The following IL1RL1 variants were observed in gnomAD, a reference collection of about 807,000 sequenced individuals.
IL1RL1 encodes the protein interleukin 1 receptor like 1.
A neutral mutation model predicts 50.9 loss-of-function variants in IL1RL1; 32 were observed. The ratio of observed to expected loss-of-function variants is 0.63; its 90% confidence interval spans 0.47 to 0.84. The LOEUF is 0.84. IL1RL1 is among the 40% of genes least tolerant of loss of function. The pLI, the probability that IL1RL1 is intolerant of heterozygous loss-of-function variation, is 0.00. For synonymous variants in IL1RL1, 275 were observed against 236.0 expected (o/e 1.17, Z -1.51); for missense variants, 773 against 662.9 (o/e 1.17, Z -1.82).
chr2:102,340,484 A>G (rs868270935), intron 4 of IL1RL1, among the ~76,000 whole-genome samples, 182 bp from the exon 5 acceptor site: 3 of 152,150 alleles, frequency 2.0e-5, no homozygotes, highest in Admixed American at 6.5e-5. Flanking sequence ...GTGGTGGCAC[A>G]CACCTGTAAT....
At chr2:102,322,667 A>G (rs1676868556) in intron 1 of IL1RL1, among the ~76,000 whole-genome samples, 1 of 152,234 alleles carries the variant, frequency 6.6e-6, no homozygotes, top group African/African-American at 2.4e-5. Context: ...AACAACTAAT[A>G]TTCAATTAAA....
chr2:102,329,391 A>C (rs1190653303), intron 1 of IL1RL1, among the ~76,000 whole-genome samples: 2 of 152,226 alleles, frequency 1.3e-5, no homozygotes, highest in African/African-American at 4.8e-5. Context: ...AAACCCTAGA[A>C]GAAAACCTAG....
Position 102,344,621 on chromosome 2 carries a change from G to T in IL1RL1, c.970+1206G>T, listed in dbSNP as rs58758331. On this transcript the variant is annotated intron_variant, in intron 8 of 10. Transcript: ENST00000233954. ...CACGACTGCAAGCTCCATGAGGGCA[G>T]GGACATCATCTCTTCCATCTTTGGG... 13 of 313,240 alleles carry T rather than the reference G, an allele frequency of 4.2e-5. 1 individual carries two copies. In the South Asian group the frequency reaches 1.5e-3, roughly 36 times the overall value. 19.4% of individuals were successfully genotyped at this position (313,240 alleles called of 1,614,324 possible).
chr2:102,348,490 T>C (rs1677841573), intron 9 of IL1RL1, among the ~76,000 whole-genome samples: 1 of 152,200 alleles, frequency 6.6e-6, no homozygotes, highest in South Asian at 2.1e-4. Context: ...GGAATGCATG[T>C]GTGTTCTACC....
intron 8 of IL1RL1, among the ~76,000 whole-genome samples, chr2:102,346,528 A>G (rs1382171690): frequency 1.3e-5 from 2 of 152,154 alleles, no homozygotes; most frequent in Admixed American, 6.5e-5. Flanking sequence ...TCTTTCCTCT[A>G]CTTGGAAGCG....
chr2:102,320,878 A>G (rs1330067367), intron 1 of IL1RL1, among the ~76,000 whole-genome samples: 2 of 152,132 alleles, frequency 1.3e-5, no homozygotes, highest in Non-Finnish European at 2.9e-5. Flanking sequence ...AGTGTTTAAT[A>G]CCTACGTCAA....
Position 102,311,874 on chromosome 2 carries a change from T to A in IL1RL1, c.-150+251T>A, listed in dbSNP as rs1279108895. On this transcript the variant is annotated intron_variant, in intron 1 of 10. Coordinates refer to ENST00000233954, the MANE Select transcript of IL1RL1 (RefSeq NM_016232.5). ...TATAATATAATTATATAATATATAT[T>A]ATATAATATAATATATAATATATCA... 6.8e-4 allele frequency among the ~76,000 whole-genome samples: 39 copies of A among 57,678 alleles called. 1 individual carries two copies. The East Asian group carries it at 0.013, about 19-fold the overall frequency. The allele number at this position is 57,678 out of a possible 152,430, so 37.8% of individuals were successfully genotyped here. A position where few individuals can be genotyped will look rare whatever the true frequency, so the allele number is the denominator to read the frequency against.
intron 5 of IL1RL1, 47 bp from the exon 6 acceptor site, chr2:102,342,176 T>C (rs745359391): frequency 8.6e-6 from 11 of 1,273,676 alleles, no homozygotes; most frequent in Non-Finnish European, 1.1e-5. Flanking sequence ...TTATATTGAC[T>C]AGCATTCAAT....
chr2:102,352,291 C>T (rs67088699), downstream of IL1RL1, among the ~76,000 whole-genome samples: 65,028 of 145,564 alleles, frequency 0.45, 16,733 homozygotes, highest in African/African-American at 0.7. Flanking sequence ...TAGATTTTCA[C>T]GTCACTTGAA....
intron 1 of IL1RL1, among the ~76,000 whole-genome samples, chr2:102,324,395 A>G (rs1355362057): frequency 1.3e-5 from 2 of 152,164 alleles, no homozygotes; most frequent in Non-Finnish European, 1.5e-5. Context: ...CCAAATAGGA[A>G]CAGCTACAGT....
chr2:102,346,891 C>A (rs374860395), intron 8 of IL1RL1, among the ~76,000 whole-genome samples: 1 of 152,080 alleles, frequency 6.6e-6, no homozygotes, highest in Admixed American at 6.6e-5. Context: ...GGAAAAGAAC[C>A]GTATCAGCAA....
At chr2:102,318,373 C>G (rs571982584) in intron 1 of IL1RL1, among the ~76,000 whole-genome samples, 10 of 148,118 alleles carry the variant, frequency 6.8e-5, no homozygotes, top group Non-Finnish European at 1.2e-4. Context: ...AAGGATACCT[C>G]CAAGGATTTT....
Position 102,338,907 on chromosome 2 carries a change from C to T in IL1RL1, c.132C>T (p.Tyr44=). 3.1e-6 allele frequency: 5 copies of T among 1,613,704 alleles called. No individual in the cohort carries two copies. The highest frequency in any genetic ancestry group is 3.3e-4 in the Middle Eastern group (2 of 6,056). The part of the protein sequence containing the change: ...VRCPRQGKPS[Y]TVDWYYSQTN... ...GTCCTAGACAAGGAAAACCTAGTTA[C>T]ACCGTGGATTGGTATTACTCACAAA... is the stretch of plus-strand genomic sequence containing the variant. Residue 44 remains tyrosine (Y), a synonymous_variant, in exon 3 of 11, where the codon TAC becomes TAT. Coordinates refer to ENST00000233954, the MANE Select transcript of IL1RL1 (RefSeq NM_016232.5).
At chr2:102,321,792 C>T (rs1024976714) in intron 1 of IL1RL1, among the ~76,000 whole-genome samples, 1 of 152,128 alleles carries the variant, frequency 6.6e-6, no homozygotes, top group Non-Finnish European at 1.5e-5. Context: ...GAGATATCAG[C>T]AATACATAGC....
At chr2:102,326,631 A>C (rs1677007837) in intron 1 of IL1RL1, among the ~76,000 whole-genome samples, 1 of 152,266 alleles carries the variant, frequency 6.6e-6, no homozygotes, top group Middle Eastern at 3.4e-3. Context: ...GGACACACAT[A>C]GACTCAAAAT....
At chr2:102,344,676 G>A (rs1200815207) in intron 8 of IL1RL1, 1 of 740,880 alleles carries the variant, frequency 1.3e-6, no homozygotes, top group Non-Finnish European at 1.6e-6. Context: ...CAGCTAGCCA[G>A]TGCTCAGCTA....
chr2:102,314,851 TG>T (rs1676630814), intron 1 of IL1RL1, among the ~76,000 whole-genome samples: 1 of 152,218 alleles, frequency 6.6e-6, no homozygotes, highest in African/African-American at 2.4e-5. Context: ...GGATAGTTCC[TG>T]GGCTCCAGGG....
chr2:102,324,813 C>T (rs1676944906), intron 1 of IL1RL1, among the ~76,000 whole-genome samples: 1 of 152,176 alleles, frequency 6.6e-6, no homozygotes, highest in South Asian at 2.1e-4. Flanking sequence ...GAGGCGTGCC[C>T]ACCATTGCTG....
chr2:102,350,515 C>T (rs1272760031), intron 10 of IL1RL1, among the ~76,000 whole-genome samples: 1 of 152,272 alleles, frequency 6.6e-6, no homozygotes, highest in South Asian at 2.1e-4. Context: ...CCAAACTTCA[C>T]TCTTCACTTA....
Sources: gnomAD v4.1 joint callset for allele counts (sites outside exome capture counted in the v4.1 genomes callset) on GRCh38, gnomAD v4.1.1 for gene constraint, MANE v1.5 for transcripts, NCBI Gene and HGNC (gene_info 2026-07-23, HGNC 2026-07-21) for gene names.